DGKI: variants seen among roughly 807,000 people sequenced by gnomAD.
The protein encoded by DGKI is diacylglycerol kinase iota.
DGKI carries 55 observed loss-of-function variants against 147.5 expected under a neutral mutation model. The observed-to-expected ratio is 0.37, with a 90% CI of 0.30 to 0.47. DGKI has a LOEUF of 0.47. DGKI is among the 20% of genes least tolerant of loss of function. DGKI has a pLI of 1.00. For missense variants in DGKI, 1,007 were observed against 1,323.8 expected, an observed-to-expected ratio of 0.76 and a Z score of 3.71; for synonymous variants, 469 against 477.1, an observed-to-expected ratio of 0.98 and a Z score of 0.22.
intron 26 of DGKI, among the ~76,000 whole-genome samples, chr7:137,464,603 G>T (rs1353443063): frequency 6.6e-6 from 1 of 152,202 alleles, no homozygotes; most frequent in Non-Finnish European, 1.5e-5. Flanking sequence ...AGAACAGCTT[G>T]CTATCAGGCC....
chr7:137,532,963 A>C (rs1817391669), intron 20 of DGKI, among the ~76,000 whole-genome samples: 1 of 152,162 alleles, frequency 6.6e-6, no homozygotes, highest in Non-Finnish European at 1.5e-5. Flanking sequence ...TTTGATAGCA[A>C]GGTTGAGAAA....
intron 19 of DGKI, among the ~76,000 whole-genome samples, 170 bp downstream of exon 19, chr7:137,571,005 C>G (rs1818774792): frequency 6.6e-6 from 1 of 152,150 alleles, no homozygotes; most frequent in Non-Finnish European, 1.5e-5. Flanking sequence ...CATCAGTTTT[C>G]TTAGTGACAT....
At chr7:137,420,041 T>C (rs1563007235) in intron 28 of DGKI, among the ~76,000 whole-genome samples, 1 of 152,218 alleles carries the variant, frequency 6.6e-6, no homozygotes, top group Non-Finnish European at 1.5e-5. Context: ...TTGGAGCTGC[T>C]CCACTAAGAG....
At chr7:137,478,528 C>T (rs994687198) in intron 23 of DGKI, among the ~76,000 whole-genome samples, 2 of 152,140 alleles carry the variant, frequency 1.3e-5, no homozygotes, top group Middle Eastern at 3.2e-3. Flanking sequence ...AAGTAACTCT[C>T]GTTACTAATC....
chr7:137,715,673 T>C (rs1447231344), intron 1 of DGKI, among the ~76,000 whole-genome samples: 1 of 152,166 alleles, frequency 6.6e-6, no homozygotes, highest in Non-Finnish European at 1.5e-5. Flanking sequence ...CCCTGTAGCA[T>C]GCAAATGAAC....
chr7:137,544,237 T>A (rs562881891), intron 20 of DGKI, among the ~76,000 whole-genome samples: 17 of 152,316 alleles, frequency 1.1e-4, no homozygotes, highest in African/African-American at 4.1e-4. Flanking sequence ...GACTATCATA[T>A]GCATTTCTGC....
At chr7:137,824,877 A>G (rs1184995937) in intron 1 of DGKI, among the ~76,000 whole-genome samples, 1 of 152,220 alleles carries the variant, frequency 6.6e-6, no homozygotes, top group African/African-American at 2.4e-5. Flanking sequence ...TATGCCTGCA[A>G]AGAACACGAT....
intron 21 of DGKI, among the ~76,000 whole-genome samples, chr7:137,517,307 G>GA (rs1435239101): frequency 1.0e-5 from 1 of 98,708 alleles, no homozygotes; most frequent in African/African-American, 4.2e-5. Flanking sequence ...AAGAAAGAAA[G>GA]AAAGAAAGAA....
At chr7:137,793,076 C>A (rs1417790774) in intron 1 of DGKI, among the ~76,000 whole-genome samples, 1 of 152,156 alleles carries the variant, frequency 6.6e-6, no homozygotes, top group African/African-American at 2.4e-5. Flanking sequence ...TAGTTTATCT[C>A]TTTCCTCTTT....
chr7:137,812,595 C>G (rs1797623906), intron 1 of DGKI, among the ~76,000 whole-genome samples: 2 of 152,280 alleles, frequency 1.3e-5, no homozygotes, highest in Middle Eastern at 3.4e-3. Context: ...TATCTTAATG[C>G]ATAAATGGCA....
chr7:137,672,045 C>T (rs1224230209), intron 3 of DGKI, among the ~76,000 whole-genome samples: 1 of 152,194 alleles, frequency 6.6e-6, no homozygotes, highest in Admixed American at 6.5e-5. Flanking sequence ...TACACGCTCA[C>T]TCACCTCACC....
chr7:137,839,323 A>C (rs2117101851), intron 1 of DGKI, among the ~76,000 whole-genome samples: 1 of 152,376 alleles, frequency 6.6e-6, no homozygotes, highest in Admixed American at 6.5e-5. Flanking sequence ...CCTGTCAGTT[A>C]AATTTCTCAA....
At chr7:137,806,527 G>A (rs577148206) in intron 1 of DGKI, among the ~76,000 whole-genome samples, 2 of 152,168 alleles carry the variant, frequency 1.3e-5, no homozygotes, top group South Asian at 4.2e-4. Context: ...TCCGCCTCCT[G>A]GGTTCACGCC....
At chr7:137,560,516 C>T (rs1164615663) in intron 19 of DGKI, among the ~76,000 whole-genome samples, 1 of 152,142 alleles carries the variant, frequency 6.6e-6, no homozygotes, top group Non-Finnish European at 1.5e-5. Context: ...GTGCTCACCA[C>T]TACAACCACC....
chr7:137,443,490 T>C (rs1480528181), intron 28 of DGKI, among the ~76,000 whole-genome samples: 2 of 152,212 alleles, frequency 1.3e-5, no homozygotes, highest in Admixed American at 6.5e-5. Context: ...TTGTGACTGA[T>C]TGGATAAATG....
intron 3 of DGKI, among the ~76,000 whole-genome samples, chr7:137,667,552 T>C (rs1273397469): frequency 6.6e-6 from 1 of 152,184 alleles, no homozygotes; most frequent in Non-Finnish European, 1.5e-5. Flanking sequence ...TCCTGACATG[T>C]TTCCATTATC....
At chr7:137,720,246 A>G (rs1435649584) in intron 1 of DGKI, among the ~76,000 whole-genome samples, 1 of 138,872 alleles carries the variant, frequency 7.2e-6, no homozygotes, top group Non-Finnish European at 1.5e-5. Context: ...ACACTTGAAA[A>G]AATCTTTTTT....
intron 20 of DGKI, chr7:137,545,850 G>A (rs1213365497): frequency 2.9e-6 from 2 of 692,072 alleles, no homozygotes; most frequent in Non-Finnish European, 5.3e-6. Context: ...CCAACCCTGA[G>A]GAGACGAGGC....
At chr7:137,404,880 G>C (rs1321283465) in intron 30 of DGKI, among the ~76,000 whole-genome samples, 1 of 152,142 alleles carries the variant, frequency 6.6e-6, no homozygotes, top group African/African-American at 2.4e-5. Flanking sequence ...ATTTGTATTG[G>C]AATGTTAGGT....
Sources: allele counts gnomAD v4.1 joint callset (sites outside exome capture counted in the v4.1 genomes callset), GRCh38; gene constraint gnomAD v4.1.1; transcripts MANE v1.5; gene names NCBI Gene and HGNC (gene_info 2026-07-23, HGNC 2026-07-21).